IGF2BP2: variants seen among roughly 807,000 people sequenced by gnomAD.
IGF2BP2 encodes the protein insulin-like growth factor 2 mRNA-binding protein 2.
IGF2BP2 carries 17 observed loss-of-function variants against 75.8 expected under a neutral mutation model. That is an observed-to-expected ratio of 0.22 (90% confidence interval 0.15 to 0.34). IGF2BP2 has a LOEUF of 0.34. Ranked by LOEUF, IGF2BP2 falls within the 10% of genes least tolerant of loss-of-function variation. The pLI is 1.00. For missense variants in IGF2BP2, 516 were observed against 772.4 expected (o/e 0.67, Z 3.93); for synonymous variants, 288 against 295.6 (o/e 0.97, Z 0.26).
intron 2 of IGF2BP2, among the ~76,000 whole-genome samples, chr3:185,821,390 A>G (rs1182226251): frequency 6.6e-6 from 1 of 152,222 alleles, no homozygotes; most frequent in African/African-American, 2.4e-5. Flanking sequence ...TATTTAACTT[A>G]TACTAAAAAC....
intron 2 of IGF2BP2, among the ~76,000 whole-genome samples, chr3:185,755,864 G>A (rs919704611): frequency 6.6e-6 from 1 of 152,338 alleles, no homozygotes; most frequent in African/African-American, 2.4e-5. Flanking sequence ...AAGGAAATCG[G>A]CTGTGAGTCT....
chr3:185,708,081 A>G lies in IGF2BP2; in HGVS notation c.240-9734T>C, dbSNP rs569503502. On this transcript the variant is annotated intron_variant, in intron 2 of 15. Transcript: ENST00000382199. ...ATGCTAAGTATCTCATTTAAGCCTT[A>G]CCCTTTTGAACTAGGTGTTGTTATT... 1.6e-4 allele frequency among the ~76,000 whole-genome samples: 25 copies of G among 152,288 alleles called. No homozygotes were observed. In the South Asian group the frequency reaches 1.9e-3, roughly 11 times the overall value.
chr3:185,806,015 T>C (rs1578370956), intron 2 of IGF2BP2, among the ~76,000 whole-genome samples: 1 of 151,438 alleles, frequency 6.6e-6, no homozygotes, highest in South Asian at 2.1e-4. Flanking sequence ...TCTCAGGTGA[T>C]CCACCCGCCT....
intron 2 of IGF2BP2, among the ~76,000 whole-genome samples, chr3:185,733,670 C>T (rs538412790): frequency 6.6e-5 from 10 of 152,136 alleles, no homozygotes; most frequent in South Asian, 2.1e-4. Flanking sequence ...GAAGGAGAAT[C>T]GCTTGAACCC....
At chr3:185,753,399 G>C (rs1731205437) in intron 2 of IGF2BP2, among the ~76,000 whole-genome samples, 1 of 152,076 alleles carries the variant, frequency 6.6e-6, no homozygotes, top group African/African-American at 2.4e-5. Context: ...AACGTTACAG[G>C]GAAAGATGCA....
At chr3:185,648,332 G>A (rs1196889229) in intron 14 of IGF2BP2, among the ~76,000 whole-genome samples, 9 of 151,818 alleles carry the variant, frequency 5.9e-5, no homozygotes, top group East Asian at 1.9e-4. Context: ...GCATGGTGGC[G>A]GGCGCCTGCA....
chr3:185,726,070 T>G (rs1400385875), intron 2 of IGF2BP2, among the ~76,000 whole-genome samples: 1 of 152,182 alleles, frequency 6.6e-6, no homozygotes, highest in African/African-American at 2.4e-5. Flanking sequence ...TGCCTGTATT[T>G]AGGAGAACAG....
At chr3:185,682,060 G>A (rs1310505545) in intron 7 of IGF2BP2, among the ~76,000 whole-genome samples, 1 of 152,196 alleles carries the variant, frequency 6.6e-6, no homozygotes. Flanking sequence ...TTAGACCAGT[G>A]GGAGTACATC....
chr3:185,676,732 G>GTA lies in IGF2BP2; in HGVS notation c.813-821_813-820dup, dbSNP rs1396900593. Reference sequence around the variant, plus strand: ...ACTGGAGATATATATATATGGAGATGTATATATATATATATTTACTGGAGA... The same window carrying GTA: ...ACTGGAGATATATATATATGGAGATGTATATATATATATATATTTACTGGAGA... On this transcript the variant is annotated intron_variant, in intron 7 of 15. Coordinates refer to ENST00000382199, the MANE Select transcript of IGF2BP2 (RefSeq NM_006548.6). Among the ~76,000 whole-genome samples, 452 of 129,306 alleles carry GTA rather than the reference G, an allele frequency of 3.5e-3. 3 individuals carry two copies. Among genetic ancestry groups the GTA allele is most frequent in the African/African-American group, 0.01 (355 of 34,090 alleles). The allele number at this position is 129,306 out of a possible 152,430, so 84.8% of individuals were successfully genotyped here.
At chr3:185,793,831 G>C (rs1368156889) in intron 2 of IGF2BP2, among the ~76,000 whole-genome samples, 1 of 152,060 alleles carries the variant, frequency 6.6e-6, no homozygotes, top group Non-Finnish European at 1.5e-5. Context: ...TCCCAGTCTT[G>C]GAATCTAACA....
intron 2 of IGF2BP2, chr3:185,728,863 G>A (rs1043198330): frequency 2.0e-5 from 3 of 152,134 alleles, no homozygotes; most frequent in Non-Finnish European, 4.4e-5. Context: ...CCTTTCAGGG[G>A]TTATTAGGTA....
At chr3:185,710,464 G>A (rs924761756) in intron 2 of IGF2BP2, among the ~76,000 whole-genome samples, 1 of 152,296 alleles carries the variant, frequency 6.6e-6, no homozygotes, top group East Asian at 1.9e-4. Flanking sequence ...CAGGAGCGAT[G>A]GCTCACGCCT....
chr3:185,729,365 A>G (rs887877883), intron 2 of IGF2BP2, among the ~76,000 whole-genome samples: 2 of 152,242 alleles, frequency 1.3e-5, no homozygotes, highest in African/African-American at 4.8e-5. Context: ...CTTGAAATGA[A>G]TAAAGTCCGC....
chr3:185,709,189 A>C (rs1470826897), intron 2 of IGF2BP2, among the ~76,000 whole-genome samples: 3 of 152,234 alleles, frequency 2.0e-5, no homozygotes, highest in African/African-American at 7.2e-5. Flanking sequence ...GGTAAATACA[A>C]AACCATCTTT....
chr3:185,678,341 G>A (rs2149259226), intron 7 of IGF2BP2, among the ~76,000 whole-genome samples: 1 of 152,326 alleles, frequency 6.6e-6, no homozygotes, highest in East Asian at 1.9e-4. Context: ...AGGACACCAT[G>A]TGTGGTAAAA....
intron 2 of IGF2BP2, among the ~76,000 whole-genome samples, chr3:185,796,329 G>A (rs144472502): frequency 0.06 from 9,151 of 151,960 alleles, 338 homozygotes; most frequent in African/African-American, 0.11. Flanking sequence ...TTGGGAGGAC[G>A]AGGAGGGCGG....
chr3:185,777,258 T>G (rs1734637796), intron 2 of IGF2BP2, among the ~76,000 whole-genome samples: 1 of 152,178 alleles, frequency 6.6e-6, no homozygotes, highest in Non-Finnish European at 1.5e-5. Flanking sequence ...GGTATATTTC[T>G]GGTCACAAAA....
At chr3:185,736,620 A>G (rs1251684095) in intron 2 of IGF2BP2, among the ~76,000 whole-genome samples, 1 of 152,260 alleles carries the variant, frequency 6.6e-6, no homozygotes, top group African/African-American at 2.4e-5. Context: ...GAATTAAACA[A>G]TAAGAGAACA....
chr3:185,776,338 G>C (rs202056715), intron 2 of IGF2BP2, among the ~76,000 whole-genome samples: 1 of 152,186 alleles, frequency 6.6e-6, no homozygotes, highest in Non-Finnish European at 1.5e-5. Context: ...GTATGGAGTA[G>C]AGAGAACAGA....
Sources: allele counts gnomAD v4.1 joint callset (sites outside exome capture counted in the v4.1 genomes callset), GRCh38; gene constraint gnomAD v4.1.1; transcripts MANE v1.5; gene names NCBI Gene and HGNC (gene_info 2026-07-23, HGNC 2026-07-21).